The following CTIF variants were observed in gnomAD, a reference collection of about 807,000 sequenced individuals.
CTIF encodes the protein CBP80/20-dependent translation initiation factor.
In CTIF, 21 loss-of-function variants were observed where a neutral mutation model predicts 66.0. That is an observed-to-expected ratio of 0.32 (90% CI 0.23 to 0.46). CTIF has a LOEUF of 0.46. Among genes scored for constraint, CTIF ranks in the 20% least tolerant of loss-of-function variants. The pLI is 1.00. For synonymous variants in CTIF, 345 were observed against 326.4 expected (o/e 1.06, Z -0.62); for missense variants, 739 against 812.7 (o/e 0.91, Z 1.10).
chr18:48,613,462 G>A (rs1179113198), intron 1 of CTIF, among the ~76,000 whole-genome samples: 1 of 152,202 alleles, frequency 6.6e-6, no homozygotes, highest in Non-Finnish European at 1.5e-5. Flanking sequence ...TGGGGAGGAA[G>A]GGGAGGAAGG....
chr18:48,648,491 A>ACACACACG (rs1444707085), intron 3 of CTIF, among the ~76,000 whole-genome samples: 14 of 147,080 alleles, frequency 9.5e-5, no homozygotes, highest in East Asian at 2.0e-4. Context: ...ACACACACGC[A>ACACACACG]CACACACACA....
intron 6 of CTIF, among the ~76,000 whole-genome samples, chr18:48,680,826 A>T (rs2091727947): frequency 6.6e-6 from 1 of 152,178 alleles, no homozygotes; most frequent in African/African-American, 2.4e-5. Flanking sequence ...TGAAGCATCC[A>T]TTATTCCTTT....
intron 1 of CTIF, chr18:48,540,055 C>G (rs1165612289): frequency 1.3e-5 from 2 of 152,156 alleles, no homozygotes; most frequent in Non-Finnish European, 2.9e-5. Context: ...TCCCTGCGTC[C>G]CCGGTGAGCC....
At chr18:48,700,073 G>T (rs1157685912) in intron 6 of CTIF, among the ~76,000 whole-genome samples, 3 of 152,174 alleles carry the variant, frequency 2.0e-5, no homozygotes, top group Non-Finnish European at 4.4e-5. Flanking sequence ...ATTTCACTTT[G>T]AATTATAATA....
rs933102886 is a variant in CTIF at position 48,761,020 on chromosome 18, C to A, written c.1072-370C>A. ...GACCAAGTCTTCCTACCCTCATTTT[C>A]TCTTTGGCCCGATTTCATATTTGTT... On this transcript the variant is annotated intron_variant, in intron 8 of 11. Transcript: ENST00000256413. The surrounding 1 kb of genome is among the most constrained non-coding windows in gnomAD (Gnocchi z 4.2). 1 of 171,426 alleles carries A rather than the reference C, an allele frequency of 5.8e-6. No individual in the cohort carries two copies. Among genetic ancestry groups the A allele is most frequent in the Non-Finnish European group, 1.2e-5 (1 of 80,496 alleles). The allele number at this position is 171,426 out of a possible 1,614,324, so 10.6% of individuals were successfully genotyped here. A position where few individuals can be genotyped will look rare whatever the true frequency, so the allele number is the denominator to read the frequency against.
chr18:48,855,663 G>A (rs1043062215), intron 10 of CTIF, among the ~76,000 whole-genome samples: 1 of 152,220 alleles, frequency 6.6e-6, no homozygotes, highest in Non-Finnish European at 1.5e-5. Flanking sequence ...GCAGGGGAAG[G>A]AAGTGGGGAC....
In CTIF at chr18:48,664,535, C is replaced by G; in HGVS notation, c.415C>G (p.His139Asp). 1 of 1,612,160 alleles carries G rather than the reference C, an allele frequency of 6.2e-7. No homozygotes were observed. Among genetic ancestry groups the G allele is most frequent in the East Asian group, 2.2e-5 (1 of 44,878 alleles). ...VRHTPKQPLP[H>D]IDREGCGKGK... is the part of the protein sequence containing the mutation. Reference sequence around the variant, plus strand: ...ACACACGCCCAAGCAGCCCCTGCCACACATCGACCGCGAAGGGTAAGGGGT... The same window carrying G: ...ACACACGCCCAAGCAGCCCCTGCCAGACATCGACCGCGAAGGGTAAGGGGT... The change falls in exon 5 of 12, where the codon CAC (histidine) becomes GAC (aspartate). Residue 139 changes from histidine to aspartate, a missense_variant. Physicochemically the swap from His to Asp is moderately conservative, Grantham distance 81. This residue lies in a region of CTIF where 529 missense variants were observed against 520.3 expected (regional missense o/e 1.02). Coordinates refer to ENST00000256413, the MANE Select transcript of CTIF (RefSeq NM_014772.3).
At chr18:48,740,240 A>T (rs931200264) in intron 7 of CTIF, among the ~76,000 whole-genome samples, 1 of 152,226 alleles carries the variant, frequency 6.6e-6, no homozygotes, top group African/African-American at 2.4e-5. Context: ...GCAGCCTGTG[A>T]CCCAGCCGTA....
intron 1 of CTIF, among the ~76,000 whole-genome samples, chr18:48,618,330 C>G (rs1598747198): frequency 6.6e-6 from 1 of 152,184 alleles, no homozygotes; most frequent in African/African-American, 2.4e-5. Context: ...GGCTTCAGAG[C>G]CCTGTGTGTG....
chr18:48,601,123 A>C (rs1231430471), intron 1 of CTIF, among the ~76,000 whole-genome samples: 1 of 152,178 alleles, frequency 6.6e-6, no homozygotes, highest in African/African-American at 2.4e-5. Flanking sequence ...TGCCCTCACC[A>C]CTAAGGTGTT....
intron 7 of CTIF, among the ~76,000 whole-genome samples, chr18:48,724,239 A>G (rs370590523): frequency 2.6e-5 from 4 of 152,222 alleles, no homozygotes; most frequent in South Asian, 2.1e-4. Context: ...CTCACCAACA[A>G]CTTGTGGGAT....
chr18:48,685,348 G>A lies in CTIF; in HGVS notation c.507+14604G>A, dbSNP rs185814466. Among the ~76,000 whole-genome samples the A allele has an allele frequency of 5.9e-4, 89 of 151,622 alleles. 1 individual carries two copies. In the East Asian group the frequency reaches 0.015, roughly 26 times the overall value. On this transcript the variant is annotated intron_variant, in intron 6 of 11. Coordinates refer to ENST00000256413, the MANE Select transcript of CTIF (RefSeq NM_014772.3). ...AGTGATTCTCATGCCTCAGCCTCCT[G>A]AGTAGCTGGGATTACAGGCACATGC...
At chr18:48,711,567 T>C (rs369400757) in intron 6 of CTIF, 52 bp from the exon 7 acceptor site, 180 of 1,445,790 alleles carry the variant, frequency 1.2e-4, no homozygotes, top group Middle Eastern at 6.9e-4. Flanking sequence ...AGAGGTGCTT[T>C]GCTCTCTTTC....
At chr18:48,555,017 C>A (rs1199900617) in intron 1 of CTIF, among the ~76,000 whole-genome samples, 1 of 152,188 alleles carries the variant, frequency 6.6e-6, no homozygotes, top group Non-Finnish European at 1.5e-5. Context: ...TGGAGGTAAG[C>A]TCTCTTCCCT....
intron 9 of CTIF, among the ~76,000 whole-genome samples, chr18:48,803,634 C>T (rs2068088666): frequency 6.6e-6 from 1 of 152,156 alleles, no homozygotes; most frequent in South Asian, 2.1e-4. Flanking sequence ...GCCCCAGCTG[C>T]AGAATGACCA....
At chr18:48,593,599 G>C (rs540821477) in intron 1 of CTIF, among the ~76,000 whole-genome samples, 1 of 151,874 alleles carries the variant, frequency 6.6e-6, no homozygotes, top group South Asian at 2.1e-4. Flanking sequence ...AGCCAGGATG[G>C]TCTCGATCTC....
At chr18:48,565,032 T>C (rs1176237324) in intron 1 of CTIF, 2 of 152,248 alleles carry the variant, frequency 1.3e-5, no homozygotes, top group African/African-American at 4.8e-5. Context: ...TGTTAATTTT[T>C]GCATATTAAG....
At chr18:48,604,153 AT>A (rs1208445821) in intron 1 of CTIF, among the ~76,000 whole-genome samples, 36 of 51,578 alleles carry the variant, frequency 7.0e-4, no homozygotes, top group East Asian at 5.1e-3. Context: ...TGACTCCGTG[AT>A]TTTTTTTTTA....
At chr18:48,598,903 C>A (rs538686871) in intron 1 of CTIF, among the ~76,000 whole-genome samples, 3 of 152,164 alleles carry the variant, frequency 2.0e-5, no homozygotes, top group Admixed American at 2.0e-4. Context: ...GGGCAGGGGA[C>A]AATCCCAGCA....
Sources: allele counts gnomAD v4.1 joint callset (sites outside exome capture counted in the v4.1 genomes callset), GRCh38; gene constraint gnomAD v4.1.1; regional missense constraint gnomAD v4.1.1; non-coding constraint Gnocchi (gnomAD v3.1); transcripts MANE v1.5; gene names NCBI Gene and HGNC (gene_info 2026-07-23, HGNC 2026-07-21).